The following COL4A6 variants were observed in gnomAD, a reference collection of about 807,000 sequenced individuals.
COL4A6 encodes the protein collagen type IV alpha 6 chain.
Under a neutral mutation model 126.7 loss-of-function variants are expected in COL4A6, and 59 were observed. The observed-to-expected ratio is 0.47, with a 90% CI of 0.38 to 0.58. COL4A6 has a LOEUF of 0.58. Among genes scored for constraint, COL4A6 ranks in the 20% least tolerant of loss-of-function variants. The pLI, the probability that COL4A6 is intolerant of heterozygous loss-of-function variation, is 0.00. For synonymous variants in COL4A6, 547 were observed against 496.6 expected (o/e 1.10, Z -1.35); for missense variants, 1,285 against 1,337.3 (o/e 0.96, Z 0.61).
At chrX:108,336,190 T>C (rs1603112610) in intron 2 of COL4A6, among the ~76,000 whole-genome samples, 1 of 111,748 alleles carries the variant, frequency 8.9e-6, no homozygotes, top group African/African-American at 3.2e-5. Flanking sequence ...CCAATGTTGA[T>C]AGCAGCTCTA....
intron 2 of COL4A6, among the ~76,000 whole-genome samples, chrX:108,399,526 C>G (rs916212029): frequency 1.8e-5 from 2 of 111,064 alleles, no homozygotes; most frequent in African/African-American, 3.3e-5. Context: ...CTATTTGGGT[C>G]AGGAACATGC....
rs146907358 is a variant in COL4A6, at chrX:108,158,004, A to C, written c.4813-744T>G. On this transcript the variant is annotated intron_variant, in intron 44 of 44. Coordinates refer to ENST00000334504, the MANE Select transcript of COL4A6 (RefSeq NM_033641.4). ...ATGAGACAAATGCCCAAGTTGGCAC[A>C]CAGGGACTCCTTACTTTGCAGAACT... is the stretch of plus-strand genomic sequence containing the variant. Among the ~76,000 whole-genome samples, 1,026 of 112,011 alleles carry C rather than the reference A, an allele frequency of 9.2e-3. 4 individuals are homozygous for C. Among genetic ancestry groups the C allele is most frequent in the Non-Finnish European group, 0.014 (766 of 53,328 alleles).
intron 6 of COL4A6, 77 bp downstream of exon 6, chrX:108,214,035 C>T: frequency 1.1e-6 from 1 of 884,220 alleles, no homozygotes. Context: ...CTTGAGGTTT[C>T]CAGAGAGGCA....
chrX:108,174,097 G>C (rs1217318868), intron 31 of COL4A6, among the ~76,000 whole-genome samples: 2 of 112,371 alleles, frequency 1.8e-5, no homozygotes, highest in African/African-American at 6.5e-5. Context: ...TAGAATTGAT[G>C]TCAGCAGTGA....
At chrX:108,191,774 G>A (rs946863199) in intron 18 of COL4A6, among the ~76,000 whole-genome samples, 5 of 111,556 alleles carry the variant, frequency 4.5e-5, no homozygotes, top group Non-Finnish European at 9.4e-5. Flanking sequence ...GCAAACCTGA[G>A]AGGAAAATCT....
rs752842655 is a variant in COL4A6, at chrX:108,160,558, T to G, written c.4430A>C (p.Gln1477Pro). 6 of 1,211,512 alleles carry G rather than the reference T, an allele frequency of 5.0e-6. No individual in the cohort carries two copies. Among genetic ancestry groups the G allele is most frequent in the Non-Finnish European group, 6.7e-6 (6 of 895,349 alleles). ...YTLVKHSQSE[Q>P]VPPCPIGMSQ... ...CATCCCGATGGGACACGGGGGCACCTGTTCCGACTGGCTGTGCTTTACCAA... is the reference window on the plus strand; with the variant it reads ...CATCCCGATGGGACACGGGGGCACCGGTTCCGACTGGCTGTGCTTTACCAA... The change falls in exon 43 of 45, where the codon CAG becomes CCG. Residue 1477 changes from glutamine (Q) to proline (P), a missense_variant. Transcript: ENST00000334504.
rs755661787 is a variant in COL4A6 at position 108,360,100 on chromosome X, A to G, written c.64-49272T>C. Among the ~76,000 whole-genome samples, 11 of 112,067 alleles carry G rather than the reference A, an allele frequency of 9.8e-5. No individual in the cohort carries two copies. The South Asian group carries it at 4.1e-3, about 42-fold the overall frequency. On this transcript the variant is annotated intron_variant, in intron 2 of 44. Coordinates refer to ENST00000334504, the MANE Select transcript of COL4A6 (RefSeq NM_033641.4). ...ACTAATCTTCTTACCCAACTGCTAA[A>G]TAATCCGAAACTCCAGGGATCTATC...
rs1448237442 is a variant in COL4A6 at position 108,175,168 on chromosome X, G to A, written c.2878C>T (p.Pro960Ser). ...GPVGIPSPRR[P>S]MSNLWLKGDK... ...CCTTTGAGCCAAAGGTTTGACATTG[G>A]ACGTCTTGGACTAGGTATTCCGACT... is the stretch of plus-strand genomic sequence containing the variant. The change falls in exon 30 of 45, where the codon CCA becomes TCA. Residue 960 changes from proline to serine, a missense_variant. Transcript: ENST00000334504. 8.3e-7 allele frequency: 1 copy of A among 1,200,615 alleles called. No homozygotes were observed. Among genetic ancestry groups the A allele is most frequent in the East Asian group, 3.0e-5 (1 of 33,038 alleles).
chrX:108,294,750 T>C (rs1470849226), intron 3 of COL4A6, among the ~76,000 whole-genome samples: 2 of 110,890 alleles, frequency 1.8e-5, no homozygotes, highest in South Asian at 3.8e-4. Flanking sequence ...CAAAATGGGG[T>C]TTAAAATAAA....
chrX:108,278,539 G>A (rs899774472), intron 3 of COL4A6, among the ~76,000 whole-genome samples: 3 of 110,746 alleles, frequency 2.7e-5, no homozygotes, highest in African/African-American at 9.9e-5. Flanking sequence ...AAGTGACGGG[G>A]AGAATGCAAC....
At chrX:108,297,309 C>G (rs2038353557) in intron 3 of COL4A6, among the ~76,000 whole-genome samples, 1 of 111,619 alleles carries the variant, frequency 9.0e-6, no homozygotes, top group Non-Finnish European at 1.9e-5. Context: ...TAATATTATT[C>G]TCAAGTCACA....
chrX:108,253,894 T>A (rs2036922815), intron 3 of COL4A6, among the ~76,000 whole-genome samples: 1 of 111,673 alleles, frequency 9.0e-6, no homozygotes, highest in Non-Finnish European at 1.9e-5. Context: ...TTGTTAGAGA[T>A]TACAGTGAAT....
At chrX:108,330,985 C>T (rs1477728243) in intron 2 of COL4A6, among the ~76,000 whole-genome samples, 1 of 111,690 alleles carries the variant, frequency 9.0e-6, no homozygotes, top group Non-Finnish European at 1.9e-5. Flanking sequence ...ATAAATTTCC[C>T]ACTTGCAGAT....
At chrX:108,405,221 G>A (rs111592532) in intron 2 of COL4A6, among the ~76,000 whole-genome samples, 133 of 108,480 alleles carry the variant, frequency 1.2e-3, no homozygotes, top group African/African-American at 3.9e-3. Flanking sequence ...TTCTTGAAGC[G>A]GAGTTCTCCC....
chrX:108,181,691 G>T (rs779647399), intron 23 of COL4A6, among the ~76,000 whole-genome samples: 4 of 111,916 alleles, frequency 3.6e-5, no homozygotes, highest in African/African-American at 1.3e-4. Context: ...AAATTGGCAT[G>T]CATAGCCCTT....
At chrX:108,423,841 A>C (rs1019192037) in intron 2 of COL4A6, among the ~76,000 whole-genome samples, 3 of 111,499 alleles carry the variant, frequency 2.7e-5, no homozygotes, top group Non-Finnish European at 5.7e-5. Flanking sequence ...CTTTAAACAC[A>C]GTCTTTACTT....
At chrX:108,197,472 T>C (rs2035254343) in intron 13 of COL4A6, among the ~76,000 whole-genome samples, 1 of 112,324 alleles carries the variant, frequency 8.9e-6, no homozygotes, top group East Asian at 2.8e-4. Flanking sequence ...TTTTGGAGCA[T>C]AGATTTAGCA....
intron 3 of COL4A6, among the ~76,000 whole-genome samples, chrX:108,273,405 T>C (rs2037508007): frequency 9.1e-6 from 1 of 110,490 alleles, no homozygotes; most frequent in Non-Finnish European, 1.9e-5. Context: ...AGTTCAACCA[T>C]TGTGGAAGAC....
chrX:108,214,852 C>A (rs139215554), intron 5 of COL4A6, among the ~76,000 whole-genome samples: 1 of 112,607 alleles, frequency 8.9e-6, no homozygotes, highest in Admixed American at 9.4e-5. Flanking sequence ...TCCGTACTAA[C>A]GACTGAGGCA....
Sources: allele counts gnomAD v4.1 joint callset (sites outside exome capture counted in the v4.1 genomes callset), GRCh38; gene constraint gnomAD v4.1.1; transcripts MANE v1.5; gene names NCBI Gene and HGNC (gene_info 2026-07-23, HGNC 2026-07-21).